LPP: variants seen among roughly 807,000 people sequenced by gnomAD.
LPP encodes LIM domain containing preferred translocation partner in lipoma.
Under a neutral mutation model 60.4 loss-of-function variants are expected in LPP, and 38 were observed. That is an observed-to-expected ratio of 0.63 (90% confidence interval 0.49 to 0.83). LPP has a LOEUF of 0.83. Among genes scored for constraint, LPP ranks in the 40% least tolerant of loss-of-function variants. The pLI is 0.00. For synonymous variants in LPP, 328 were observed against 290.8 expected (o/e 1.13, Z -1.30); for missense variants, 902 against 783.6 (o/e 1.15, Z -1.80).
intron 4 of LPP, among the ~76,000 whole-genome samples, chr3:188,450,990 A>G (rs964030186): frequency 6.6e-6 from 1 of 151,970 alleles, no homozygotes; most frequent in African/African-American, 2.4e-5. Flanking sequence ...GGCTGTGGGG[A>G]GGGTGCTTGA....
Position 188,279,089 on chromosome 3 carries a change from G to A in LPP, c.-67+53562G>A, listed in dbSNP as rs142673325. ...CTGGGTTCAGGACTCTGACCTCCTG[G>A]GATGAGGCCATTTGGGGTCACTGCC... On this transcript the variant is annotated intron_variant, in intron 2 of 11. Transcript: ENST00000617246. 7.4e-3 allele frequency among the ~76,000 whole-genome samples: 1,126 copies of A among 152,272 alleles called. 10 individuals are homozygous for A. The highest frequency in any genetic ancestry group is 0.024 in the African/African-American group (983 of 41,542).
chr3:188,777,412 TG>T (rs1286923231), intron 9 of LPP, among the ~76,000 whole-genome samples: 1 of 152,140 alleles, frequency 6.6e-6, no homozygotes, highest in Non-Finnish European at 1.5e-5. Flanking sequence ...TAGTGGGCAT[TG>T]GGGGTATGAA....
intron 2 of LPP, among the ~76,000 whole-genome samples, chr3:188,270,049 A>G (rs1322725622): frequency 1.3e-5 from 2 of 151,962 alleles, no homozygotes; most frequent in Non-Finnish European, 2.9e-5. Context: ...TTGAAGTTCC[A>G]GAAAAAGCAA....
chr3:188,214,236 T>G (rs1194844632), intron 1 of LPP, among the ~76,000 whole-genome samples: 2 of 152,098 alleles, frequency 1.3e-5, no homozygotes, highest in African/African-American at 2.4e-5. Context: ...GTTCAAGCGA[T>G]TCTCCTGCCT....
intron 4 of LPP, chr3:188,472,681 A>G (rs1802145948): frequency 1.3e-5 from 2 of 152,154 alleles, no homozygotes; most frequent in Non-Finnish European, 2.9e-5. Context: ...AAGCAAGAGA[A>G]TGAGCCCCAA....
intron 7 of LPP, among the ~76,000 whole-genome samples, chr3:188,706,540 A>G (rs574399304): frequency 6.6e-6 from 1 of 152,374 alleles, no homozygotes; most frequent in Non-Finnish European, 1.5e-5. Flanking sequence ...GAAAAGGCCA[A>G]ATAGGTACCA....
chr3:188,368,690 A>T (rs1262763991), intron 3 of LPP, among the ~76,000 whole-genome samples: 1 of 101,908 alleles, frequency 9.8e-6, no homozygotes, highest in African/African-American at 5.0e-5. Context: ...TCTCACACAC[A>T]CACACACACA....
intron 2 of LPP, among the ~76,000 whole-genome samples, chr3:188,324,761 A>G (rs1018533548): frequency 1.3e-5 from 2 of 152,146 alleles, no homozygotes; most frequent in African/African-American, 4.8e-5. Context: ...GTCAGATCAT[A>G]TCACACCCCT....
rs950037401 is a variant in LPP at position 188,572,715 on chromosome 3, T to G, written c.430-36446T>G. ...AGCACTTTGTAAATCCAAGTAAGAA[T>G]TATTAGTTAGGATAGTTCAGGTAGT... On this transcript the variant is annotated intron_variant, in intron 6 of 11. Coordinates refer to ENST00000617246, the MANE Select transcript of LPP (RefSeq NM_001375462.1). The surrounding 1 kb of genome is among the most constrained non-coding windows in gnomAD (Gnocchi z 4.1). Among the ~76,000 whole-genome samples, 3 of 152,122 alleles carry G rather than the reference T, an allele frequency of 2.0e-5. No individual in the cohort carries two copies. Among genetic ancestry groups the G allele is most frequent in the Non-Finnish European group, 2.9e-5 (2 of 68,020 alleles).
At chr3:188,744,496 A>G (rs9833602) in intron 8 of LPP, among the ~76,000 whole-genome samples, 30,460 of 152,180 alleles carry the variant, frequency 0.2, 3,747 homozygotes, top group Middle Eastern at 0.42. Context: ...CAAGCAAACT[A>G]AGGTGCAAAT....
At chr3:188,695,620 C>T (rs1863078886) in intron 7 of LPP, among the ~76,000 whole-genome samples, 1 of 152,214 alleles carries the variant, frequency 6.6e-6, no homozygotes, top group Non-Finnish European at 1.5e-5. Context: ...ACTCCATTTA[C>T]AGGTGAAGAC....
intron 7 of LPP, among the ~76,000 whole-genome samples, chr3:188,677,064 A>G (rs1310227094): frequency 6.6e-6 from 1 of 152,154 alleles, no homozygotes; most frequent in East Asian, 1.9e-4. Flanking sequence ...TGTTGACGAC[A>G]ATCATGCAAA....
chr3:188,552,092 C>T (rs140343302), intron 6 of LPP, among the ~76,000 whole-genome samples: 8 of 152,252 alleles, frequency 5.3e-5, no homozygotes, highest in African/African-American at 1.7e-4. Flanking sequence ...TCCCCTCTGT[C>T]AAATGAGAGA....
chr3:188,694,160 A>G lies in LPP; in HGVS notation c.1114-14107A>G, dbSNP rs549298089. 7.9e-5 allele frequency among the ~76,000 whole-genome samples: 12 copies of G among 152,334 alleles called. No homozygotes were observed. The East Asian group carries it at 2.1e-3, about 27-fold the overall frequency. On this transcript the variant is annotated intron_variant, in intron 7 of 11. Transcript: ENST00000617246. Reference sequence around the variant, plus strand: ...ATTTTCTTAGCATTTTATTCATGATATGGTAAGAACCCGGCAGAAAATTTT... The same window carrying G: ...ATTTTCTTAGCATTTTATTCATGATGTGGTAAGAACCCGGCAGAAAATTTT...
chr3:188,791,005 G>A (rs1378791792), intron 9 of LPP, among the ~76,000 whole-genome samples: 4 of 152,084 alleles, frequency 2.6e-5, no homozygotes, highest in Non-Finnish European at 2.9e-5. Context: ...GTCAAAAATG[G>A]TAATAATCCT....
chr3:188,789,265 A>C (rs1742920601), intron 9 of LPP, among the ~76,000 whole-genome samples: 1 of 152,022 alleles, frequency 6.6e-6, no homozygotes, highest in South Asian at 2.1e-4. Context: ...TAGTCACTTT[A>C]TTGCAATGTT....
At chr3:188,324,792 C>T (rs1006639556) in intron 2 of LPP, among the ~76,000 whole-genome samples, 4 of 152,072 alleles carry the variant, frequency 2.6e-5, no homozygotes, top group African/African-American at 9.7e-5. Context: ...CATACGGTGG[C>T]TGCTGTAGTA....
At chr3:188,819,685 A>C (rs116795453) in intron 9 of LPP, among the ~76,000 whole-genome samples, 1 of 152,080 alleles carries the variant, frequency 6.6e-6, no homozygotes, top group Non-Finnish European at 1.5e-5. Context: ...AAGAAAGGTG[A>C]GCTTCAGCCA....
chr3:188,866,011 C>T (rs1004026417), intron 9 of LPP, among the ~76,000 whole-genome samples, 189 bp from the exon 10 acceptor site: 1 of 152,128 alleles, frequency 6.6e-6, no homozygotes, highest in African/African-American at 2.4e-5. Flanking sequence ...AGTTAATTGG[C>T]CGATAACACT....
Sources: allele counts gnomAD v4.1 joint callset (sites outside exome capture counted in the v4.1 genomes callset), GRCh38; gene constraint gnomAD v4.1.1; non-coding constraint Gnocchi (gnomAD v3.1); transcripts MANE v1.5; gene names NCBI Gene and HGNC (gene_info 2026-07-23, HGNC 2026-07-21).